Variants in RARB observed in about 807,000 individuals in gnomAD.
RARB encodes retinoic acid receptor beta, also known as HBV-activated protein.
Under a neutral mutation model 51.9 loss-of-function variants are expected in RARB, and 17 were observed. The observed-to-expected ratio is 0.33, with a 90% CI of 0.22 to 0.49. The LOEUF (loss-of-function observed/expected upper bound fraction) is 0.49. RARB is among the 20% of genes least tolerant of loss of function. The probability of loss-of-function intolerance (pLI) is 0.99; values close to 1 mark genes in which losing one functional copy is unlikely to be tolerated. For synonymous variants in RARB, 215 were observed against 195.4 expected, an observed-to-expected ratio of 1.10 and a Z score of -0.84; for missense variants, 369 against 550.8, an observed-to-expected ratio of 0.67 and a Z score of 3.30.
At chr3:25,028,042 T>C (rs942445042) in intron 2 of RARB, among the ~76,000 whole-genome samples, 1 of 152,200 alleles carries the variant, frequency 6.6e-6, no homozygotes, top group Non-Finnish European at 1.5e-5. Flanking sequence ...GAAATGGTTC[T>C]AGTCAACACA....
At chr3:25,525,403 C>G (rs1698605237) in intron 3 of RARB, among the ~76,000 whole-genome samples, 1 of 152,046 alleles carries the variant, frequency 6.6e-6, no homozygotes, top group South Asian at 2.1e-4. Flanking sequence ...ATCACCCCTG[C>G]CTCCCATACT....
chr3:25,112,357 A>G (rs1441746524), intron 3 of RARB, among the ~76,000 whole-genome samples: 1 of 152,190 alleles, frequency 6.6e-6, no homozygotes, highest in Non-Finnish European at 1.5e-5. Context: ...GCAGATTCTC[A>G]GGCAAGTTTC....
intron 2 of RARB, among the ~76,000 whole-genome samples, chr3:24,933,342 C>A (rs1009385852): frequency 2.6e-5 from 4 of 151,910 alleles, no homozygotes; most frequent in Non-Finnish European, 4.4e-5. Context: ...GGAAACATAT[C>A]TGATGTCTTC....
At chr3:25,012,872 C>T (rs1191572705) in intron 2 of RARB, among the ~76,000 whole-genome samples, 1 of 152,036 alleles carries the variant, frequency 6.6e-6, no homozygotes, top group Non-Finnish European at 1.5e-5. Context: ...AAGACCAACT[C>T]CAGAGGTCAA....
chr3:24,897,413 T>C (rs146868559), intron 2 of RARB, among the ~76,000 whole-genome samples: 261 of 152,312 alleles, frequency 1.7e-3, no homozygotes, highest in African/African-American at 6.0e-3. Context: ...AATTACACTT[T>C]TGCAAAAGGG....
chr3:24,952,100 G>T (rs965695095), intron 2 of RARB, among the ~76,000 whole-genome samples: 7 of 152,128 alleles, frequency 4.6e-5, no homozygotes, highest in African/African-American at 1.7e-4. Flanking sequence ...TTGCAGCTGG[G>T]TGCAGTGGCT....
intron 2 of RARB, among the ~76,000 whole-genome samples, chr3:24,868,532 A>G (rs1472366007): frequency 6.6e-6 from 1 of 152,150 alleles, no homozygotes; most frequent in East Asian, 1.9e-4. Flanking sequence ...CCTCTTGGCC[A>G]GGGGCATCCC....
intron 2 of RARB, among the ~76,000 whole-genome samples, chr3:25,025,671 G>A (rs549550887): frequency 3.3e-5 from 5 of 152,254 alleles, no homozygotes; most frequent in African/African-American, 9.6e-5. Flanking sequence ...GGGACCAGCT[G>A]CCAGGAGGGA....
At chr3:25,122,103 A>G (rs1365617978) in intron 3 of RARB, among the ~76,000 whole-genome samples, 4 of 152,134 alleles carry the variant, frequency 2.6e-5, no homozygotes, top group African/African-American at 9.7e-5. Context: ...CCACAACGCA[A>G]ATAAGATCAG....
chr3:25,204,272 C>A (rs1187739997), intron 5 of RARB, among the ~76,000 whole-genome samples: 1 of 152,210 alleles, frequency 6.6e-6, no homozygotes, highest in African/African-American at 2.4e-5. Flanking sequence ...GTTTTCAGCT[C>A]CATCAGGTCC....
chr3:25,378,649 A>G (rs920796686), intron 5 of RARB, among the ~76,000 whole-genome samples: 27 of 152,282 alleles, frequency 1.8e-4, no homozygotes, highest in Admixed American at 7.2e-4. Context: ...TTTAGTATCT[A>G]TGGTACCTAC....
chr3:25,457,920 A>G (rs1361532817), intron 1 of RARB, among the ~76,000 whole-genome samples: 4 of 152,152 alleles, frequency 2.6e-5, no homozygotes, highest in Non-Finnish European at 5.9e-5. Flanking sequence ...GAGATTGATC[A>G]TAGTGGTGAT....
intron 1 of RARB, among the ~76,000 whole-genome samples, chr3:25,453,270 A>G (rs1709275901): frequency 3.6e-5 from 4 of 112,620 alleles, no homozygotes; most frequent in Non-Finnish European, 5.2e-5. Flanking sequence ...TTTTTTTGAG[A>G]CAGTTTCGCT....
intron 2 of RARB, among the ~76,000 whole-genome samples, chr3:25,053,017 C>A (rs545811896): frequency 6.6e-6 from 1 of 152,158 alleles, no homozygotes; most frequent in Non-Finnish European, 1.5e-5. Context: ...TGGAGCATTC[C>A]AATTTAGTTG....
Position 25,360,138 on chromosome 3 carries a change from G to A in RARB, c.179-101055G>A, listed in dbSNP as rs549658708. Among the ~76,000 whole-genome samples, 7 of 152,284 alleles carry A rather than the reference G, an allele frequency of 4.6e-5. No individual in the cohort carries two copies. The East Asian group carries it at 1.2e-3, about 25-fold the overall frequency. ...TCTCTTTGTAGGTCTCTAAGAACTT[G>A]TTTTATGAATCTGGGTGCTCCTGTA... On this transcript the variant is annotated intron_variant, in intron 5 of 11. Transcript: ENST00000383772.
At chr3:25,392,458 T>C (rs1335597414) in intron 5 of RARB, among the ~76,000 whole-genome samples, 2 of 152,170 alleles carry the variant, frequency 1.3e-5, no homozygotes, top group African/African-American at 4.8e-5. Flanking sequence ...GGATTTACAT[T>C]GAATTTATAG....
At position 25,593,638 on chromosome 3, in the gene RARB, C is replaced by G. The variant is rs375586620; in HGVS notation, c.922C>G (p.Gln308Glu). 1.2e-6 allele frequency: 2 copies of G among 1,614,122 alleles called. No homozygotes were observed. The highest frequency in any genetic ancestry group is 1.7e-6 in the Non-Finnish European group (2 of 1,179,998). Reference sequence around the variant, plus strand: ...TGACCTTGTGTTCACCTTTGCCAACCAGCTCCTGCCTTTGGAAATGGATGA... The same window carrying G: ...TGACCTTGTGTTCACCTTTGCCAACGAGCTCCTGCCTTTGGAAATGGATGA... ...LTDLVFTFANQLLPLEMDDTE... is the reference protein window; with the variant it reads ...LTDLVFTFANELLPLEMDDTE... Residue 308 changes from glutamine (Q) to glutamate (E), a missense_variant, in exon 6 of 8, where the codon CAG becomes GAG. Coordinates refer to ENST00000330688, the MANE Select transcript of RARB (RefSeq NM_000965.5).
At chr3:24,920,868 G>C (rs1312895693) in intron 2 of RARB, among the ~76,000 whole-genome samples, 1 of 152,184 alleles carries the variant, frequency 6.6e-6, no homozygotes, top group Non-Finnish European at 1.5e-5. Context: ...AAGAACCAGA[G>C]TGAGACAGTT....
intron 2 of RARB, among the ~76,000 whole-genome samples, chr3:25,048,732 A>G (rs1698265906): frequency 6.6e-6 from 1 of 150,864 alleles, no homozygotes; most frequent in African/African-American, 2.4e-5. Context: ...ATATTTCTGC[A>G]GAGAAAGAAA....
Sources: allele counts gnomAD v4.1 joint callset (sites outside exome capture counted in the v4.1 genomes callset), GRCh38; gene constraint gnomAD v4.1.1; transcripts MANE v1.5; gene names NCBI Gene and HGNC (gene_info 2026-07-23, HGNC 2026-07-21).